The following SMIM14 variants were observed in gnomAD, a reference collection of about 807,000 sequenced individuals.
SMIM14 encodes the protein small integral membrane protein 14, also known as chromosome 4 open reading frame 34.
SMIM14 carries 5 observed loss-of-function variants against 12.6 expected under a neutral mutation model. That is an observed-to-expected ratio of 0.40 (90% CI 0.21 to 0.83). The LOEUF (loss-of-function observed/expected upper bound fraction) is 0.83. Ranked by LOEUF, SMIM14 falls within the 40% of genes least tolerant of loss-of-function variation. SMIM14 has a pLI of 0.37. For missense variants in SMIM14, 86 were observed against 119.1 expected (o/e 0.72, Z 1.29); for synonymous variants, 30 against 40.1 (o/e 0.75, Z 0.95).
Position 39,632,026 on chromosome 4 carries a change from GC to G in SMIM14, c.-36+6712del, listed in dbSNP as rs1715916863. On this transcript the variant is annotated intron_variant, in intron 1 of 4. Coordinates refer to ENST00000295958, the MANE Select transcript of SMIM14 (RefSeq NM_174921.3). Reference sequence around the variant, plus strand: ...TAAATGTTATCAAATACATATGTAAGCCCTACTATACACCTAAAAATTGGTT... The same window carrying G: ...TAAATGTTATCAAATACATATGTAAGCCTACTATACACCTAAAAATTGGTT... Among the ~76,000 whole-genome samples, 5 of 152,082 alleles carry G rather than the reference GC, an allele frequency of 3.3e-5. No individual in the cohort carries two copies. The South Asian group carries it at 1.0e-3, about 32-fold the overall frequency.
At chr4:39,556,238 ACT>A (rs1712006162) in intron 4 of SMIM14, among the ~76,000 whole-genome samples, 188 bp downstream of exon 4, 1 of 152,168 alleles carries the variant, frequency 6.6e-6, no homozygotes, top group South Asian at 2.1e-4. Context: ...TCTGCATTTA[ACT>A]CCATAAAGAT....
chr4:39,601,458 C>T (rs753477784), intron 2 of SMIM14, among the ~76,000 whole-genome samples: 1 of 152,182 alleles, frequency 6.6e-6, no homozygotes, highest in Non-Finnish European at 1.5e-5. Flanking sequence ...TGTCATTATA[C>T]TGTATCAGTA....
chr4:39,573,896 T>C (rs755973657), intron 2 of SMIM14, among the ~76,000 whole-genome samples: 2 of 152,188 alleles, frequency 1.3e-5, no homozygotes, highest in Non-Finnish European at 2.9e-5. Context: ...TTTAGAATCA[T>C]GTGATTATCA....
At chr4:39,580,383 C>T (rs1199562530) in intron 2 of SMIM14, among the ~76,000 whole-genome samples, 1 of 152,010 alleles carries the variant, frequency 6.6e-6, no homozygotes, top group Non-Finnish European at 1.5e-5. Flanking sequence ...TCTCCCTATG[C>T]TGTCCAGGCT....
At chr4:39,634,406 T>A (rs1716018131) in intron 1 of SMIM14, among the ~76,000 whole-genome samples, 1 of 152,176 alleles carries the variant, frequency 6.6e-6, no homozygotes, top group Admixed American at 6.5e-5. Flanking sequence ...TCAGAAGCAG[T>A]AGGGTACAGT....
chr4:39,609,389 G>C (rs1377711260), intron 1 of SMIM14, among the ~76,000 whole-genome samples: 1 of 152,174 alleles, frequency 6.6e-6, no homozygotes, highest in African/African-American at 2.4e-5. Context: ...AACTCATCCG[G>C]AGAGTCAGGG....
chr4:39,595,513 C>T (rs1401906701), intron 2 of SMIM14, among the ~76,000 whole-genome samples: 2 of 151,600 alleles, frequency 1.3e-5, no homozygotes, highest in African/African-American at 2.4e-5. Context: ...ATGTAACTAA[C>T]CTGCACATTG....
intron 1 of SMIM14, among the ~76,000 whole-genome samples, chr4:39,634,573 T>C (rs1716023903): frequency 6.6e-6 from 1 of 152,138 alleles, no homozygotes; most frequent in South Asian, 2.1e-4. Flanking sequence ...AAAGTAGTGT[T>C]CCCAAAAAAT....
At chr4:39,614,482 G>A (rs13138629) in intron 1 of SMIM14, among the ~76,000 whole-genome samples, 217 of 151,952 alleles carry the variant, frequency 1.4e-3, no homozygotes, top group Non-Finnish European at 2.5e-3. Context: ...CACCACGCCC[G>A]GCTAATTTTC....
intron 1 of SMIM14, chr4:39,638,307 T>G (rs1195463737): frequency 4.2e-6 from 1 of 239,650 alleles, no homozygotes; most frequent in Non-Finnish European, 6.8e-6. Context: ...GGACGCATCC[T>G]AGTGACTTCA....
chr4:39,629,811 G>A (rs942000198), intron 1 of SMIM14, among the ~76,000 whole-genome samples: 1 of 151,910 alleles, frequency 6.6e-6, no homozygotes, highest in Non-Finnish European at 1.5e-5. Context: ...TTTTTGTAGA[G>A]AGAGGGGGTC....
At chr4:39,637,498 A>G (rs1716139793) in intron 1 of SMIM14, among the ~76,000 whole-genome samples, 1 of 152,074 alleles carries the variant, frequency 6.6e-6, no homozygotes, top group African/African-American at 2.4e-5. Flanking sequence ...ATAAGGAGCA[A>G]TTAACTATCA....
At chr4:39,565,763 A>C (rs1390550721) in intron 3 of SMIM14, among the ~76,000 whole-genome samples, 1 of 152,160 alleles carries the variant, frequency 6.6e-6, no homozygotes, top group East Asian at 1.9e-4. Context: ...TTTCATCTTG[A>C]ATTGTAACTC....
At chr4:39,554,654 C>CTT (rs111326390) in intron 4 of SMIM14, among the ~76,000 whole-genome samples, 3,337 of 95,140 alleles carry the variant, frequency 0.035, 91 homozygotes, top group South Asian at 0.061. Flanking sequence ...GGAAATTTTC[C>CTT]TTTTTTTTTT....
chr4:39,605,307 A>G lies in SMIM14; in HGVS notation c.-35-127T>C, dbSNP rs886681683. 3 of 517,528 alleles carry G rather than the reference A, an allele frequency of 5.8e-6. No homozygotes were observed. The African/African-American group carries it at 5.9e-5, about 10-fold the overall frequency. 32.1% of individuals were successfully genotyped at this position (517,528 alleles called of 1,614,324 possible). A position where few individuals can be genotyped will look rare whatever the true frequency, so the allele number is the denominator to read the frequency against. ...AACTATGTATAGTTTGTATTTATTG[A>G]CTTGTATCTATTAATTTATTATTAA... On this transcript the variant is annotated intron_variant, in intron 1 of 4. Coordinates refer to ENST00000295958, the MANE Select transcript of SMIM14 (RefSeq NM_174921.3).
chr4:39,632,417 T>A (rs1412027900), intron 1 of SMIM14, among the ~76,000 whole-genome samples: 3 of 145,328 alleles, frequency 2.1e-5, no homozygotes, highest in African/African-American at 7.8e-5. Context: ...GAGGCAGAGG[T>A]TGCAGTGAGC....
chr4:39,560,343 G>A (rs1305589265), intron 3 of SMIM14, among the ~76,000 whole-genome samples: 4 of 149,766 alleles, frequency 2.7e-5, no homozygotes, highest in African/African-American at 9.8e-5. Context: ...TGCCTCCTGG[G>A]TTTTATTTGT....
intron 1 of SMIM14, among the ~76,000 whole-genome samples, chr4:39,609,284 T>C (rs900832): frequency 0.31 from 46,757 of 152,104 alleles, 8,637 homozygotes; most frequent in Non-Finnish European, 0.42. Flanking sequence ...CCGGCCTGTA[T>C]TGTACATTTT....
In SMIM14 at chr4:39,558,539, G is replaced by C. The variant is rs1712125885; in HGVS notation, c.125-1969C>G. Among the ~76,000 whole-genome samples the C allele has an allele frequency of 6.6e-6, 1 of 152,130 alleles. No individual in the cohort carries two copies. Among genetic ancestry groups the C allele is most frequent in the Non-Finnish European group, 1.5e-5 (1 of 68,026 alleles). On this transcript the variant is annotated intron_variant, in intron 3 of 4. Coordinates refer to ENST00000295958, the MANE Select transcript of SMIM14 (RefSeq NM_174921.3). The surrounding 1 kb of genome is among the most constrained non-coding windows in gnomAD (Gnocchi z 4.3). ...CAGGCATATACACAGTGGGCTCCGT[G>C]GGAACTTGCATAGGGCGGAGTGGGC...
Sources: allele counts gnomAD v4.1 joint callset (sites outside exome capture counted in the v4.1 genomes callset), GRCh38; gene constraint gnomAD v4.1.1; non-coding constraint Gnocchi (gnomAD v3.1); transcripts MANE v1.5; gene names NCBI Gene and HGNC (gene_info 2026-07-23, HGNC 2026-07-21).